The following RGS6 variants were observed in gnomAD, a reference collection of about 807,000 sequenced individuals.
RGS6 encodes regulator of G-protein signaling 6.
A neutral mutation model predicts 78.5 loss-of-function variants in RGS6; 30 were observed. That is an observed-to-expected ratio of 0.38 (90% CI 0.29 to 0.52). The LOEUF (loss-of-function observed/expected upper bound fraction) is 0.52. RGS6 is among the 20% of genes least tolerant of loss of function. The pLI is 0.85. For missense variants in RGS6, 495 were observed against 609.7 expected (o/e 0.81, Z 1.98); for synonymous variants, 206 against 206.0 (o/e 1.00, Z 0.00).
At chr14:72,555,444 A>T (rs992470518) in intron 17 of RGS6, among the ~76,000 whole-genome samples, 3 of 152,248 alleles carry the variant, frequency 2.0e-5, no homozygotes, top group Non-Finnish European at 4.4e-5. Context: ...GCTTCGCAGC[A>T]TAGAACCTGC....
Position 72,378,158 on chromosome 14 carries a change from C to T in RGS6, c.184+25964C>T, listed in dbSNP as rs551224688. 1.1e-4 allele frequency among the ~76,000 whole-genome samples: 17 copies of T among 152,152 alleles called. No homozygotes were observed. In the South Asian group the frequency reaches 3.1e-3, roughly 28 times the overall value. On this transcript the variant is annotated intron_variant, in intron 3 of 17. Coordinates refer to ENST00000553525, the MANE Select transcript of RGS6 (RefSeq NM_001204424.2). ...AGTGAAATTTAAAAATTCCTTGAAACAAATGTAAATAGAAACACAACATAC... is the reference window on the plus strand; with the variant it reads ...AGTGAAATTTAAAAATTCCTTGAAATAAATGTAAATAGAAACACAACATAC...
At chr14:72,052,472 G>A (rs1463466258) in intron 2 of RGS6, among the ~76,000 whole-genome samples, 1 of 152,130 alleles carries the variant, frequency 6.6e-6, no homozygotes, top group Non-Finnish European at 1.5e-5. Flanking sequence ...CCAGTCTCTT[G>A]CTGCAGTGAT....
At chr14:72,340,693 C>T (rs1943427134) in intron 2 of RGS6, among the ~76,000 whole-genome samples, 1 of 152,214 alleles carries the variant, frequency 6.6e-6, no homozygotes, top group African/African-American at 2.4e-5. Context: ...AAACTTCATT[C>T]TCACCCTTCT....
intron 3 of RGS6, among the ~76,000 whole-genome samples, chr14:72,432,094 T>G (rs2094672612): frequency 2.0e-5 from 3 of 152,182 alleles, no homozygotes; most frequent in Admixed American, 2.0e-4. Flanking sequence ...ACCTTGCCCA[T>G]CTCTGGGTGC....
chr14:71,934,106 C>T (rs547035663), intron 1 of RGS6, among the ~76,000 whole-genome samples: 12 of 152,170 alleles, frequency 7.9e-5, no homozygotes, highest in Non-Finnish European at 4.4e-5. Flanking sequence ...TAATTTATCA[C>T]TTTTTCAATG....
the RGS6 span, among the ~76,000 whole-genome samples, chr14:71,869,379 A>G: frequency 2.0e-5 from 3 of 152,182 alleles, no homozygotes; most frequent in African/African-American, 7.2e-5. Flanking sequence ...CCCAGCTCCA[A>G]TGTGACTACC....
At chr14:72,404,698 C>T (rs2092764014) in intron 3 of RGS6, among the ~76,000 whole-genome samples, 1 of 152,194 alleles carries the variant, frequency 6.6e-6, no homozygotes, top group African/African-American at 2.4e-5. Context: ...GCTAGTTTGT[C>T]CTAGCATTGG....
intron 3 of RGS6, among the ~76,000 whole-genome samples, chr14:72,358,479 C>T (rs2080827354): frequency 6.6e-6 from 1 of 152,266 alleles, no homozygotes; most frequent in South Asian, 2.1e-4. Context: ...TGGGAGCCCA[C>T]CTCTTGCATC....
rs1425047424 is a variant in RGS6 at position 72,474,697 on chromosome 14, A to C, written c.691A>C (p.Lys231Gln). The change falls in exon 10 of 18, where the codon AAG becomes CAG. Residue 231 changes from lysine to glutamine, a missense_variant and splice_region_variant. Physicochemically the swap from Lys to Gln is moderately conservative, Grantham distance 53 (BLOSUM62 1). Coordinates refer to ENST00000553525, the MANE Select transcript of RGS6 (RefSeq NM_001204424.2). Reference sequence around the variant, plus strand: ...TTTGAAGAATCCACAAAAGGTTAAAAAGGTTCGCTAGTTTAGCTGAGTTAA... The same window carrying C: ...TTTGAAGAATCCACAAAAGGTTAAACAGGTTCGCTAGTTTAGCTGAGTTAA... ...RRLKNPQKVKKSVYGVTEESQ... is the reference protein window; with the variant it reads ...RRLKNPQKVKQSVYGVTEESQ... 6.2e-7 allele frequency: 1 copy of C among 1,613,588 alleles called. No homozygotes were observed. Among genetic ancestry groups the C allele is most frequent in the East Asian group, 2.2e-5 (1 of 44,858 alleles).
At chr14:71,872,447 G>A in the RGS6 span, among the ~76,000 whole-genome samples, 20 of 152,158 alleles carry the variant, frequency 1.3e-4, no homozygotes, top group South Asian at 3.5e-3. Flanking sequence ...AACTTAACCC[G>A]GATTGAGAGG....
intron 2 of RGS6, among the ~76,000 whole-genome samples, chr14:72,079,373 T>A (rs965539433): frequency 1.3e-5 from 2 of 152,210 alleles, no homozygotes; most frequent in Non-Finnish European, 2.9e-5. Context: ...TATAAAGATA[T>A]TGCTCAGCAC....
intron 2 of RGS6, among the ~76,000 whole-genome samples, chr14:72,204,819 A>G (rs548125724): frequency 2.5e-4 from 38 of 152,326 alleles, no homozygotes; most frequent in African/African-American, 9.1e-4. Context: ...GGACAGAAAC[A>G]TTCAGACCTA....
chr14:72,194,552 G>C (rs898010573), intron 2 of RGS6, among the ~76,000 whole-genome samples: 3 of 151,998 alleles, frequency 2.0e-5, no homozygotes, highest in African/African-American at 7.3e-5. Context: ...TGTAGAGACA[G>C]GGTCTCACTA....
chr14:72,057,312 TGAAA>T (rs2093665146), intron 2 of RGS6, among the ~76,000 whole-genome samples: 1 of 70,962 alleles, frequency 1.4e-5, no homozygotes, highest in Non-Finnish European at 2.3e-5. Context: ...AGACTCTATC[TGAAA>T]AAAAAAAAAA....
chr14:72,347,964 T>G (rs912884383), intron 2 of RGS6, among the ~76,000 whole-genome samples: 2 of 152,150 alleles, frequency 1.3e-5, no homozygotes, highest in Admixed American at 1.3e-4. Context: ...AGCTCAAGAT[T>G]TAATGGGTTG....
intron 3 of RGS6, among the ~76,000 whole-genome samples, chr14:72,429,244 A>T (rs921261087): frequency 1.3e-5 from 2 of 152,172 alleles, no homozygotes; most frequent in African/African-American, 4.8e-5. Context: ...TTCCCAAGTG[A>T]TATTGATACT....
chr14:72,120,306 A>G (rs1030566213), intron 2 of RGS6, among the ~76,000 whole-genome samples: 5 of 152,324 alleles, frequency 3.3e-5, no homozygotes, highest in Admixed American at 3.3e-4. Flanking sequence ...TTCAAATGAC[A>G]TCTTACACAA....
At chr14:72,618,778 C>T in the RGS6 span, among the ~76,000 whole-genome samples, 1 of 152,252 alleles carries the variant, frequency 6.6e-6, no homozygotes, top group Admixed American at 6.5e-5. Context: ...GTTTCAAGAC[C>T]CCAAGTCTAG....
chr14:72,264,282 TAAG>T (rs1041009225), intron 2 of RGS6, among the ~76,000 whole-genome samples: 4 of 152,176 alleles, frequency 2.6e-5, no homozygotes, highest in African/African-American at 9.7e-5. Flanking sequence ...ATTTAAAACT[TAAG>T]AAACATTTTA....
Sources: gnomAD v4.1 joint callset for allele counts (sites outside exome capture counted in the v4.1 genomes callset) on GRCh38, gnomAD v4.1.1 for gene constraint, MANE v1.5 for transcripts, NCBI Gene and HGNC (gene_info 2026-07-23, HGNC 2026-07-21) for gene names.